DOK6: variants seen among roughly 807,000 people sequenced by gnomAD.
DOK6 encodes the protein downstream of tyrosine kinase 6.
A neutral mutation model predicts 44.0 loss-of-function variants in DOK6; 22 were observed. The ratio of observed to expected loss-of-function variants is 0.50; its 90% CI spans 0.36 to 0.71. The LOEUF is 0.71. Ranked by LOEUF, DOK6 falls within the 30% of genes least tolerant of loss-of-function variation. DOK6 has a pLI of 0.00. For synonymous variants in DOK6, 166 were observed against 145.5 expected (o/e 1.14, Z -1.01); for missense variants, 340 against 416.4 (o/e 0.82, Z 1.60).
At chr18:69,748,310 C>T (rs192791536) in intron 6 of DOK6, among the ~76,000 whole-genome samples, 47 of 152,010 alleles carry the variant, frequency 3.1e-4, no homozygotes, top group African/African-American at 8.4e-4. Context: ...TTTAACACCC[C>T]GCTGTCAATA....
At chr18:69,614,181 C>A (rs1660671582) in intron 3 of DOK6, among the ~76,000 whole-genome samples, 1 of 152,080 alleles carries the variant, frequency 6.6e-6, no homozygotes, top group Admixed American at 6.5e-5. Context: ...TTGTATCTTA[C>A]AATATTATCA....
chr18:69,504,485 T>C (rs1343613145), intron 1 of DOK6, among the ~76,000 whole-genome samples: 1 of 152,140 alleles, frequency 6.6e-6, no homozygotes, highest in East Asian at 1.9e-4. Context: ...CTTCTCTAGT[T>C]AAGGCAAATA....
chr18:69,828,854 G>A (rs1981815823), intron 7 of DOK6, among the ~76,000 whole-genome samples: 1 of 86,508 alleles, frequency 1.2e-5, no homozygotes, highest in African/African-American at 3.2e-5. Context: ...TGAGATGAAA[G>A]TCCCATTATT....
chr18:69,670,086 T>G (rs1184653182), intron 3 of DOK6, among the ~76,000 whole-genome samples: 2 of 152,156 alleles, frequency 1.3e-5, no homozygotes, highest in African/African-American at 4.8e-5. Flanking sequence ...ACATATTTAT[T>G]TATTTATTTA....
chr18:69,595,861 A>G (rs911200989), intron 2 of DOK6, among the ~76,000 whole-genome samples: 4 of 152,128 alleles, frequency 2.6e-5, no homozygotes, highest in African/African-American at 4.8e-5. Flanking sequence ...CATATATACT[A>G]TTCATTCTGT....
At chr18:69,481,212 G>A (rs1980410170) in intron 1 of DOK6, among the ~76,000 whole-genome samples, 1 of 151,722 alleles carries the variant, frequency 6.6e-6, no homozygotes, top group African/African-American at 2.4e-5. Context: ...CATGTGTGAT[G>A]GGGATTTTTT....
chr18:69,841,167 T>G lies in DOK6; in HGVS notation c.857-77T>G. On this transcript the variant is annotated intron_variant, in intron 7 of 7. Coordinates refer to ENST00000382713, the MANE Select transcript of DOK6 (RefSeq NM_152721.6). ...CTTAAAAATATAGATAGATAGATAA[T>G]AGATAGATGATAGATAGTGTATCTT... The G allele has an allele frequency of 1.9e-6, 3 of 1,555,198 alleles. No homozygotes were observed. In the South Asian group the frequency reaches 3.4e-5, roughly 18 times the overall value.
At chr18:69,610,039 G>C (rs1281690004) in intron 3 of DOK6, among the ~76,000 whole-genome samples, 2 of 152,150 alleles carry the variant, frequency 1.3e-5, no homozygotes, top group Non-Finnish European at 2.9e-5. Context: ...TGGGCATAAA[G>C]TTTCAGTTAA....
At chr18:69,576,524 C>G (rs1177195043) in intron 2 of DOK6, among the ~76,000 whole-genome samples, 1 of 152,122 alleles carries the variant, frequency 6.6e-6, no homozygotes, top group Non-Finnish European at 1.5e-5. Context: ...GTGTTACGCC[C>G]TATCTGGAAC....
At chr18:69,720,101 A>G (rs140146713) in intron 5 of DOK6, among the ~76,000 whole-genome samples, 6,122 of 152,300 alleles carry the variant, frequency 0.04, 175 homozygotes, top group East Asian at 0.086. Flanking sequence ...AGGCATGAGA[A>G]TCGCTTGAAC....
intron 1 of DOK6, among the ~76,000 whole-genome samples, chr18:69,473,457 T>A (rs1210768289): frequency 6.6e-6 from 1 of 151,992 alleles, no homozygotes; most frequent in Non-Finnish European, 1.5e-5. Flanking sequence ...GTAGCTAGAG[T>A]GGTTCCTGTC....
intron 1 of DOK6, among the ~76,000 whole-genome samples, chr18:69,527,089 C>A (rs1168100466): frequency 6.6e-6 from 1 of 152,158 alleles, no homozygotes. Flanking sequence ...TGTTAATGTA[C>A]TCTTGTATAA....
chr18:69,844,718 G>A lies in DOK6; in HGVS notation c.*3335G>A, dbSNP rs2145144666. 6.6e-6 allele frequency: 1 copy of A among 152,236 alleles called. No homozygotes were observed. Among genetic ancestry groups the A allele is most frequent in the Non-Finnish European group, 1.5e-5 (1 of 67,998 alleles). The allele number at this position is 152,236 out of a possible 1,614,324, so 9.4% of individuals were successfully genotyped here. A position where few individuals can be genotyped will look rare whatever the true frequency, so the allele number is the denominator to read the frequency against. On this transcript the variant is annotated 3_prime_UTR_variant, in exon 8 of 8. Transcript: ENST00000382713. Reference sequence around the variant, plus strand: ...CCACAATTTGAAATCAATAAAATAAGAAATATATATTTATATATGAGGGAA... The same window carrying A: ...CCACAATTTGAAATCAATAAAATAAAAAATATATATTTATATATGAGGGAA...
At chr18:69,509,544 A>C (rs1457247997) in intron 1 of DOK6, among the ~76,000 whole-genome samples, 1 of 145,800 alleles carries the variant, frequency 6.9e-6, no homozygotes, top group Non-Finnish European at 1.5e-5. Context: ...AGGCCGAGGC[A>C]GGAGAATGGC....
intron 3 of DOK6, among the ~76,000 whole-genome samples, chr18:69,625,736 C>T (rs145057280): frequency 2.0e-5 from 3 of 152,158 alleles, no homozygotes; most frequent in African/African-American, 7.2e-5. Flanking sequence ...TTGGGCCAGG[C>T]CCAGGACTCA....
At chr18:69,774,365 G>A (rs1482524771) in intron 7 of DOK6, among the ~76,000 whole-genome samples, 3 of 151,406 alleles carry the variant, frequency 2.0e-5, no homozygotes, top group African/African-American at 7.3e-5. Flanking sequence ...GAAAAGGGCG[G>A]GAAGGGGGTG....
intron 1 of DOK6, among the ~76,000 whole-genome samples, chr18:69,418,401 TAAC>T (rs1978396556): frequency 6.6e-6 from 1 of 152,174 alleles, no homozygotes; most frequent in Non-Finnish European, 1.5e-5. Flanking sequence ...GCCTGATGAA[TAAC>T]AGCTTTTCTC....
intron 7 of DOK6, among the ~76,000 whole-genome samples, chr18:69,784,711 A>G (rs974639360): frequency 7.2e-5 from 11 of 152,184 alleles, no homozygotes; most frequent in African/African-American, 1.7e-4. Flanking sequence ...GTTATTCCAT[A>G]GGGAGAAAAA....
chr18:69,522,056 C>T (rs939365087), intron 1 of DOK6, among the ~76,000 whole-genome samples: 3 of 151,772 alleles, frequency 2.0e-5, no homozygotes, highest in Admixed American at 6.6e-5. Context: ...CTAAAAGTTC[C>T]AGTGTTTTTC....
Sources: gnomAD v4.1 joint callset for allele counts (sites outside exome capture counted in the v4.1 genomes callset) on GRCh38, gnomAD v4.1.1 for gene constraint, MANE v1.5 for transcripts, NCBI Gene and HGNC (gene_info 2026-07-23, HGNC 2026-07-21) for gene names.